The following RBMS3 variants were observed in gnomAD, a reference collection of about 807,000 sequenced individuals.
The protein encoded by RBMS3 is RNA binding motif single stranded interacting protein 3, also known as RNA-binding motif, single-stranded-interacting protein 3.
In RBMS3, 27 loss-of-function variants were observed where a neutral mutation model predicts 66.8. The observed-to-expected ratio is 0.40, with a 90% CI of 0.30 to 0.56. RBMS3 has a LOEUF of 0.56. Ranked by LOEUF, RBMS3 falls within the 20% of genes least tolerant of loss-of-function variation. The pLI, the probability that RBMS3 is intolerant of heterozygous loss-of-function variation, is 0.40. For missense variants in RBMS3, 513 were observed against 549.5 expected, an observed-to-expected ratio of 0.93 and a Z score of 0.66; for synonymous variants, 188 against 183.0, an observed-to-expected ratio of 1.03 and a Z score of -0.22.
chr3:29,527,945 TAAA>T (rs2045198216), intron 3 of RBMS3, among the ~76,000 whole-genome samples: 1 of 151,210 alleles, frequency 6.6e-6, no homozygotes, highest in Non-Finnish European at 1.5e-5. Context: ...AAATAAAAAA[TAAA>T]AAGAAATAGC....
At chr3:29,737,873 T>C (rs1360432126) in intron 4 of RBMS3, among the ~76,000 whole-genome samples, 1 of 129,224 alleles carries the variant, frequency 7.7e-6, no homozygotes, top group Non-Finnish European at 1.6e-5. Flanking sequence ...TGTGTGTTTA[T>C]ATGTATGTCT....
intron 4 of RBMS3, among the ~76,000 whole-genome samples, chr3:29,624,111 A>G (rs1195214127): frequency 6.6e-6 from 1 of 152,202 alleles, no homozygotes; most frequent in African/African-American, 2.4e-5. Context: ...TCCAACGTAT[A>G]CCTCAGGTTA....
intron 12 of RBMS3, among the ~76,000 whole-genome samples, chr3:29,948,964 T>G (rs1221120998): frequency 6.6e-6 from 1 of 151,744 alleles, no homozygotes; most frequent in Non-Finnish European, 1.5e-5. Context: ...ACAGGAGTGG[T>G]CTGCAGAGCA....
At chr3:29,921,738 T>A (rs1181891342) in intron 10 of RBMS3, among the ~76,000 whole-genome samples, 1 of 152,172 alleles carries the variant, frequency 6.6e-6, no homozygotes, top group Non-Finnish European at 1.5e-5. Context: ...ATAGAGGTAT[T>A]TTTGTTCTTG....
intron 1 of RBMS3, among the ~76,000 whole-genome samples, chr3:29,403,218 T>G (rs1312424142): frequency 2.0e-5 from 3 of 152,088 alleles, no homozygotes; most frequent in Non-Finnish European, 4.4e-5. Flanking sequence ...ATATATTTTC[T>G]TATCTTAGCA....
intron 3 of RBMS3, among the ~76,000 whole-genome samples, chr3:29,549,299 C>T (rs531073425): frequency 4.0e-5 from 6 of 151,778 alleles, no homozygotes; most frequent in African/African-American, 1.5e-4. Flanking sequence ...GCTGTGTTTA[C>T]AGAAGAAGGT....
chr3:29,808,016 A>C (rs2057611830), intron 6 of RBMS3, among the ~76,000 whole-genome samples: 1 of 151,942 alleles, frequency 6.6e-6, no homozygotes, highest in African/African-American at 2.4e-5. Context: ...GGTAACCCAC[A>C]TACCACATTG....
At chr3:29,514,588 G>A (rs1313080396) in intron 3 of RBMS3, among the ~76,000 whole-genome samples, 1 of 147,386 alleles carries the variant, frequency 6.8e-6, no homozygotes, top group Admixed American at 6.8e-5. Context: ...AAAAGGAAGC[G>A]ATTTATCCCC....
chr3:29,407,712 G>T (rs2040084450), intron 1 of RBMS3, among the ~76,000 whole-genome samples: 1 of 152,078 alleles, frequency 6.6e-6, no homozygotes, highest in Non-Finnish European at 1.5e-5. Flanking sequence ...TTCTGTGGCT[G>T]AAATGCCACA....
At chr3:29,914,308 A>G (rs1035445704) in intron 10 of RBMS3, among the ~76,000 whole-genome samples, 5 of 151,872 alleles carry the variant, frequency 3.3e-5, no homozygotes, top group South Asian at 2.1e-4. Flanking sequence ...TCAGGGATAT[A>G]TAGTTCCTTT....
At chr3:29,988,244 TAAAGAGGTTA>T in intron 13 of RBMS3, 21 bp downstream of exon 13, 1 of 1,567,054 alleles carries the variant, frequency 6.4e-7, no homozygotes, top group Non-Finnish European at 8.8e-7. Flanking sequence ...CCCTGTCTAA[TAAAGAGGTTA>T]GAAGAAATAA....
intron 2 of RBMS3, among the ~76,000 whole-genome samples, chr3:29,482,496 A>C (rs150859775): frequency 3.4e-4 from 52 of 152,266 alleles, no homozygotes; most frequent in African/African-American, 1.2e-3. Context: ...ACTACTACTT[A>C]GCAACTAGTT....
At chr3:29,433,536 AAC>A (rs1165544698) in intron 1 of RBMS3, among the ~76,000 whole-genome samples, 1 of 152,184 alleles carries the variant, frequency 6.6e-6, no homozygotes, top group Non-Finnish European at 1.5e-5. Context: ...TGTTTGCATT[AAC>A]TCAACTTTTT....
intron 1 of RBMS3, among the ~76,000 whole-genome samples, chr3:29,347,964 T>A (rs954918039): frequency 1.3e-5 from 2 of 152,218 alleles, no homozygotes; most frequent in Admixed American, 6.5e-5. Context: ...GCTAATGAAG[T>A]AAACAACAAA....
At chr3:29,886,930 C>G (rs1458384034) in intron 8 of RBMS3, among the ~76,000 whole-genome samples, 1 of 151,866 alleles carries the variant, frequency 6.6e-6, no homozygotes, top group South Asian at 2.1e-4. Context: ...AAGTGGCCAT[C>G]AAAGAATCCT....
chr3:29,483,962 A>G (rs1388982539), intron 2 of RBMS3, among the ~76,000 whole-genome samples: 1 of 152,208 alleles, frequency 6.6e-6, no homozygotes, highest in Non-Finnish European at 1.5e-5. Flanking sequence ...CAGTTTGATT[A>G]TCTCTCCGGG....
chr3:29,725,489 A>C (rs1349808295), intron 4 of RBMS3, among the ~76,000 whole-genome samples: 2 of 127,446 alleles, frequency 1.6e-5, no homozygotes, highest in Non-Finnish European at 3.2e-5. Flanking sequence ...TAAAGAAGAA[A>C]AGAAAGAGAG....
At chr3:29,937,367 G>T (rs970420155) in intron 11 of RBMS3, among the ~76,000 whole-genome samples, 19 of 151,958 alleles carry the variant, frequency 1.3e-4, no homozygotes, top group Non-Finnish European at 1.5e-5. Context: ...ATGCACACTA[G>T]TTGTGTATCA....
intron 4 of RBMS3, among the ~76,000 whole-genome samples, chr3:29,645,546 T>C (rs1257741872): frequency 1.3e-5 from 2 of 152,224 alleles, no homozygotes; most frequent in African/African-American, 4.8e-5. Context: ...AGTTAAGTCA[T>C]CATGAGGCAA....
Sources: allele counts gnomAD v4.1 joint callset (sites outside exome capture counted in the v4.1 genomes callset), GRCh38; gene constraint gnomAD v4.1.1; transcripts MANE v1.5; gene names NCBI Gene and HGNC (gene_info 2026-07-23, HGNC 2026-07-21).